The following RORA variants were observed in gnomAD, a reference collection of about 807,000 sequenced individuals.
RORA encodes the protein nuclear receptor ROR-alpha.
A neutral mutation model predicts 69.5 loss-of-function variants in RORA; 7 were observed. The ratio of observed to expected loss-of-function variants is 0.10; its 90% CI spans 0.06 to 0.19. RORA has a LOEUF of 0.19. Among genes scored for constraint, RORA ranks in the 10% least tolerant of loss-of-function variants. The pLI is 1.00. For synonymous variants in RORA, 261 were observed against 240.8 expected (o/e 1.08, Z -0.78); for missense variants, 457 against 663.0 (o/e 0.69, Z 3.41).
intron 1 of RORA, among the ~76,000 whole-genome samples, chr15:60,897,096 G>A (rs12101855): frequency 0.033 from 5,018 of 152,096 alleles, 277 homozygotes; most frequent in African/African-American, 0.11. Context: ...TTTAATGGGC[G>A]GTAGTGGGAC....
At chr15:61,175,532 T>G (rs1311229500) in intron 1 of RORA, among the ~76,000 whole-genome samples, 1 of 51,180 alleles carries the variant, frequency 2.0e-5, no homozygotes. Flanking sequence ...CATAGTGAGA[T>G]CCTGTTTCTA....
chr15:61,049,958 C>T (rs568436037), intron 1 of RORA, among the ~76,000 whole-genome samples: 1 of 152,298 alleles, frequency 6.6e-6, no homozygotes, highest in African/African-American at 2.4e-5. Flanking sequence ...GGCACTCGGC[C>T]CAAGTACTTC....
At chr15:61,203,718 C>A (rs1482552292) in intron 1 of RORA, among the ~76,000 whole-genome samples, 2 of 152,110 alleles carry the variant, frequency 1.3e-5, no homozygotes, top group Non-Finnish European at 2.9e-5. Context: ...AAGTCTTGAG[C>A]AGAATAAATA....
chr15:61,062,890 C>T (rs1275526039), intron 1 of RORA, among the ~76,000 whole-genome samples: 1 of 152,160 alleles, frequency 6.6e-6, no homozygotes, highest in East Asian at 1.9e-4. Context: ...TAAGGCATCC[C>T]ACTTCACATG....
intron 1 of RORA, among the ~76,000 whole-genome samples, chr15:61,036,193 C>T (rs532244176): frequency 6.6e-6 from 1 of 152,266 alleles, no homozygotes; most frequent in South Asian, 2.1e-4. Context: ...GGAAAATTCC[C>T]GCAAGGAGGT....
chr15:60,572,629 A>T (rs890612694), intron 2 of RORA, among the ~76,000 whole-genome samples: 5 of 152,182 alleles, frequency 3.3e-5, no homozygotes, highest in African/African-American at 9.7e-5. Flanking sequence ...CAACCACCTG[A>T]AATGTATTAC....
At chr15:60,820,450 T>G (rs1163288156) in intron 1 of RORA, among the ~76,000 whole-genome samples, 1 of 152,174 alleles carries the variant, frequency 6.6e-6, no homozygotes, top group East Asian at 1.9e-4. Context: ...GACCCTTGAT[T>G]AAACCTTCTA....
chr15:60,791,500 T>C (rs923807565), intron 1 of RORA, among the ~76,000 whole-genome samples: 5 of 152,236 alleles, frequency 3.3e-5, no homozygotes, highest in African/African-American at 9.6e-5. Context: ...TGGGGTTTTG[T>C]CTGGGAGCAC....
At chr15:60,678,750 G>T in intron 1 of RORA, 64 bp from the exon 2 acceptor site, 1 of 1,362,436 alleles carries the variant, frequency 7.3e-7, no homozygotes, top group Non-Finnish European at 1.0e-6. Flanking sequence ...TTGAATGTCC[G>T]TCATTCCCAG....
In RORA at chr15:60,905,870, C is replaced by T. The variant is rs1358040429; in HGVS notation, c.167-227184G>A. 2.0e-5 allele frequency among the ~76,000 whole-genome samples: 3 copies of T among 152,166 alleles called. No homozygotes were observed. The highest frequency in any genetic ancestry group is 4.8e-5 in the African/African-American group (2 of 41,434). On this transcript the variant is annotated intron_variant, in intron 1 of 10. Transcript: ENST00000335670. The surrounding 1 kb of genome is among the most constrained non-coding windows in gnomAD (Gnocchi z 4.8). ...TGCTGAATTCACCTTGTTCTTCCAC[C>T]CTCATCATCCTTTATTCTCCCCCTC...
intron 1 of RORA, among the ~76,000 whole-genome samples, chr15:60,877,684 G>C (rs1032362209): frequency 3.3e-5 from 5 of 152,094 alleles, no homozygotes; most frequent in African/African-American, 1.2e-4. Context: ...CTAAGACTCT[G>C]TTAACAATCA....
At chr15:61,051,548 C>A (rs1359107638) in intron 1 of RORA, among the ~76,000 whole-genome samples, 1 of 152,168 alleles carries the variant, frequency 6.6e-6, no homozygotes, top group East Asian at 1.9e-4. Flanking sequence ...TGTATTGGCA[C>A]CTTCTGGACA....
At chr15:61,209,782 G>C (rs902458754) in intron 1 of RORA, among the ~76,000 whole-genome samples, 1 of 152,132 alleles carries the variant, frequency 6.6e-6, no homozygotes, top group South Asian at 2.1e-4. Context: ...CCTTTCTCAG[G>C]AACTCGATCA....
At chr15:61,011,967 C>T (rs1472143908) in intron 1 of RORA, among the ~76,000 whole-genome samples, 1 of 152,254 alleles carries the variant, frequency 6.6e-6, no homozygotes, top group African/African-American at 2.4e-5. Context: ...GCTGAGAGAT[C>T]ACCTGGTCTG....
At chr15:60,532,836 TCA>T (rs1879930455) in intron 2 of RORA, among the ~76,000 whole-genome samples, 1 of 152,254 alleles carries the variant, frequency 6.6e-6, no homozygotes, top group African/African-American at 2.4e-5. Flanking sequence ...TCCATGGTTT[TCA>T]CTACTGGGTA....
At chr15:60,963,741 G>C (rs192038729) in intron 1 of RORA, among the ~76,000 whole-genome samples, 30 of 152,306 alleles carry the variant, frequency 2.0e-4, no homozygotes, top group South Asian at 1.7e-3. Context: ...AGTTAGCTCT[G>C]CTAGCACATT....
intron 1 of RORA, among the ~76,000 whole-genome samples, chr15:60,721,809 G>GGTTC (rs1226672100): frequency 6.6e-6 from 1 of 152,240 alleles, no homozygotes; most frequent in African/African-American, 2.4e-5. Flanking sequence ...TTTGAGCAAA[G>GGTTC]ATTATTTCTG....
chr15:60,788,064 A>G (rs1419908660), intron 1 of RORA, among the ~76,000 whole-genome samples: 1 of 152,182 alleles, frequency 6.6e-6, no homozygotes, highest in African/African-American at 2.4e-5. Context: ...AGGTGTCTGA[A>G]AAGTATCTAT....
At chr15:60,566,108 T>C (rs1041768808) in intron 2 of RORA, among the ~76,000 whole-genome samples, 4 of 152,232 alleles carry the variant, frequency 2.6e-5, no homozygotes, top group Non-Finnish European at 4.4e-5. Context: ...TTAATGTCTA[T>C]ATAGCCCACC....
Sources: gnomAD v4.1 joint callset for allele counts (sites outside exome capture counted in the v4.1 genomes callset) on GRCh38, gnomAD v4.1.1 for gene constraint, Gnocchi (gnomAD v3.1) non-coding constraint, MANE v1.5 for transcripts, NCBI Gene and HGNC (gene_info 2026-07-23, HGNC 2026-07-21) for gene names.